MACROD2: variants seen among roughly 807,000 people sequenced by gnomAD.
MACROD2 encodes ADP-ribose glycohydrolase MACROD2.
In MACROD2, 36 loss-of-function variants were observed where a neutral mutation model predicts 70.4. That is an observed-to-expected ratio of 0.51 (90% CI 0.39 to 0.68). The LOEUF (loss-of-function observed/expected upper bound fraction) is 0.68. Ranked by LOEUF, MACROD2 falls within the 30% of genes least tolerant of loss-of-function variation. MACROD2 has a pLI of 0.00. For missense variants in MACROD2, 496 were observed against 538.4 expected, an observed-to-expected ratio of 0.92 and a Z score of 0.78; for synonymous variants, 172 against 178.8, an observed-to-expected ratio of 0.96 and a Z score of 0.30.
At chr20:15,308,183 G>A (rs1040754189) in intron 6 of MACROD2, among the ~76,000 whole-genome samples, 8 of 152,100 alleles carry the variant, frequency 5.3e-5, no homozygotes, top group Admixed American at 3.3e-4. Context: ...CAGACATACT[G>A]TGGAGACATA....
At chr20:14,513,776 A>T (rs923084621) in intron 4 of MACROD2, among the ~76,000 whole-genome samples, 15 of 152,176 alleles carry the variant, frequency 9.9e-5, no homozygotes, top group African/African-American at 3.6e-4. Context: ...ATATGGATTG[A>T]TTATATATTG....
intron 4 of MACROD2, chr20:14,627,072 A>G (rs1374746305): frequency 6.6e-6 from 1 of 152,186 alleles, no homozygotes; most frequent in Non-Finnish European, 1.5e-5. Context: ...AGGAGAAGAG[A>G]TAGACTAGAA....
At chr20:16,035,205 A>AATATAAT (rs2067218311) in intron 15 of MACROD2, among the ~76,000 whole-genome samples, 1 of 133,704 alleles carries the variant, frequency 7.5e-6, no homozygotes, top group African/African-American at 2.7e-5. Context: ...TATAATATAA[A>AATATAAT]ATATTATATA....
intron 5 of MACROD2, among the ~76,000 whole-genome samples, chr20:15,148,335 A>G (rs1168584835): frequency 6.6e-6 from 1 of 152,066 alleles, no homozygotes; most frequent in African/African-American, 2.4e-5. Context: ...ACTAAACGGA[A>G]TAAGAGAAGG....
chr20:15,207,062 CA>C (rs1248816741), intron 5 of MACROD2, among the ~76,000 whole-genome samples: 3 of 152,052 alleles, frequency 2.0e-5, no homozygotes, highest in Non-Finnish European at 2.9e-5. Flanking sequence ...TCACATGTAT[CA>C]ATGTTCATTA....
intron 8 of MACROD2, among the ~76,000 whole-genome samples, chr20:15,819,753 C>A (rs1027766522): frequency 6.6e-6 from 1 of 151,704 alleles, no homozygotes; most frequent in Admixed American, 6.6e-5. Context: ...ATAAAGCTAT[C>A]CAGGGGTTGG....
At chr20:15,305,403 T>C (rs2146135699) in intron 6 of MACROD2, among the ~76,000 whole-genome samples, 1 of 152,312 alleles carries the variant, frequency 6.6e-6, no homozygotes, top group South Asian at 2.1e-4. Flanking sequence ...AATCTCATAA[T>C]TTTTATCATG....
intron 5 of MACROD2, among the ~76,000 whole-genome samples, chr20:14,959,477 A>G (rs1483443643): frequency 6.6e-6 from 1 of 152,040 alleles, no homozygotes; most frequent in Non-Finnish European, 1.5e-5. Context: ...TTTCCCATCC[A>G]GTCCTCTGTC....
intron 5 of MACROD2, among the ~76,000 whole-genome samples, chr20:15,228,677 A>G (rs1365770018): frequency 2.0e-5 from 3 of 151,604 alleles, no homozygotes; most frequent in Non-Finnish European, 4.4e-5. Context: ...TTTAGTAGAG[A>G]TGGGATTTCA....
At chr20:14,283,713 T>C (rs1242428233) in intron 3 of MACROD2, among the ~76,000 whole-genome samples, 1 of 152,166 alleles carries the variant, frequency 6.6e-6, no homozygotes, top group Non-Finnish European at 1.5e-5. Context: ...TTGGCCAGGC[T>C]GCTCTCAAAC....
intron 6 of MACROD2, among the ~76,000 whole-genome samples, chr20:15,366,575 G>T (rs1380045118): frequency 6.6e-6 from 1 of 152,118 alleles, no homozygotes; most frequent in Non-Finnish European, 1.5e-5. Context: ...AATAGATAGG[G>T]TCTTACTCTG....
intron 5 of MACROD2, among the ~76,000 whole-genome samples, chr20:14,724,309 A>G (rs2071503390): frequency 6.6e-6 from 1 of 152,092 alleles, no homozygotes; most frequent in Non-Finnish European, 1.5e-5. Flanking sequence ...TTTCATAACT[A>G]CCTTAAAGCT....
At chr20:14,011,078 C>A (rs554797420) in intron 2 of MACROD2, among the ~76,000 whole-genome samples, 1 of 152,144 alleles carries the variant, frequency 6.6e-6, no homozygotes, top group African/African-American at 2.4e-5. Flanking sequence ...CTTATGACCC[C>A]CTGATATAGA....
At chr20:16,044,007 C>T (rs2067343236) in intron 16 of MACROD2, among the ~76,000 whole-genome samples, 1 of 152,020 alleles carries the variant, frequency 6.6e-6, no homozygotes, top group South Asian at 2.1e-4. Context: ...TGGGTTAGGC[C>T]TTTTTTGTGT....
Position 15,678,549 on chromosome 20 carries a change from C to T in MACROD2, c.645+178702C>T, listed in dbSNP as rs981204280. ...TAATTTTTTGTATTTTTAGTAGAGA[C>T]GAGGTTTCGTTATGTTAGCCAGGAT... On this transcript the variant is annotated intron_variant, in intron 8 of 17. Coordinates refer to ENST00000684519, the MANE Select transcript of MACROD2 (RefSeq NM_001351661.2). Among the ~76,000 whole-genome samples the T allele has an allele frequency of 2.0e-4, 30 of 152,152 alleles. 1 individual carries two copies. Among genetic ancestry groups the T allele is most frequent in the South Asian group, 1.2e-3 (6 of 4,826 alleles).
At chr20:14,770,971 G>A (rs2072157386) in intron 5 of MACROD2, among the ~76,000 whole-genome samples, 2 of 151,918 alleles carry the variant, frequency 1.3e-5, no homozygotes, top group South Asian at 4.2e-4. Context: ...CCAGATATTT[G>A]GTTAAATGTT....
At chr20:15,620,850 A>G (rs1370051654) in intron 8 of MACROD2, among the ~76,000 whole-genome samples, 3 of 152,160 alleles carry the variant, frequency 2.0e-5, no homozygotes, top group African/African-American at 4.8e-5. Context: ...AGACTCACAC[A>G]TAACTAAGGC....
intron 6 of MACROD2, among the ~76,000 whole-genome samples, chr20:15,310,465 A>G (rs770505789): frequency 2.0e-5 from 3 of 152,162 alleles, no homozygotes; most frequent in African/African-American, 4.8e-5. Flanking sequence ...AGAGCTGCCA[A>G]TCATGGCTAA....
chr20:14,467,985 T>C (rs2084477675), intron 3 of MACROD2, among the ~76,000 whole-genome samples: 1 of 152,162 alleles, frequency 6.6e-6, no homozygotes, highest in Non-Finnish European at 1.5e-5. Context: ...CTGTTTGTTA[T>C]CATTTCTGTT....
Sources: gnomAD v4.1 joint callset for allele counts (sites outside exome capture counted in the v4.1 genomes callset) on GRCh38, gnomAD v4.1.1 for gene constraint, MANE v1.5 for transcripts, NCBI Gene and HGNC (gene_info 2026-07-23, HGNC 2026-07-21) for gene names.